Variants in GRK5 observed in about 807,000 individuals in gnomAD.
The protein encoded by GRK5 is g protein-coupled receptor kinase GRK5.
Under a neutral mutation model 78.4 loss-of-function variants are expected in GRK5, and 40 were observed. The ratio of observed to expected loss-of-function variants is 0.51; its 90% CI spans 0.40 to 0.66. The LOEUF (loss-of-function observed/expected upper bound fraction) is 0.66. Ranked by LOEUF, GRK5 falls within the 30% of genes least tolerant of loss-of-function variation. GRK5 has a pLI of 0.00. For synonymous variants in GRK5, 289 were observed against 296.8 expected (o/e 0.97, Z 0.27); for missense variants, 598 against 759.9 (o/e 0.79, Z 2.50).
chr10:119,339,482 A>C (rs1850947149), intron 2 of GRK5, among the ~76,000 whole-genome samples: 1 of 152,170 alleles, frequency 6.6e-6, no homozygotes, highest in South Asian at 2.1e-4. Context: ...TGGGTGTATT[A>C]AACCCCCTTG....
At chr10:119,345,220 G>A (rs1370059470) in intron 2 of GRK5, among the ~76,000 whole-genome samples, 4 of 152,176 alleles carry the variant, frequency 2.6e-5, no homozygotes, top group South Asian at 2.1e-4. Flanking sequence ...CGCCCGCCTC[G>A]GCCTCCCAAA....
At chr10:119,215,475 TAGG>T (rs1198032565) in intron 1 of GRK5, among the ~76,000 whole-genome samples, 21 of 120,422 alleles carry the variant, frequency 1.7e-4, no homozygotes, top group Non-Finnish European at 4.9e-5. Flanking sequence ...GGGAAATGGG[TAGG>T]AGAAGGAGAA....
At chr10:119,364,917 C>T (rs1851421049) in intron 2 of GRK5, among the ~76,000 whole-genome samples, 1 of 152,184 alleles carries the variant, frequency 6.6e-6, no homozygotes, top group African/African-American at 2.4e-5. Flanking sequence ...AAGGGTTTCA[C>T]CACAATCATA....
In GRK5 at chr10:119,238,791, C is replaced by T. The variant is rs1278882939; in HGVS notation, c.52+30822C>T. Among the ~76,000 whole-genome samples, 1 of 152,008 alleles carries T rather than the reference C, an allele frequency of 6.6e-6. No homozygotes were observed. Among genetic ancestry groups the T allele is most frequent in the African/African-American group, 2.4e-5 (1 of 41,390 alleles). ...GGGCTCTGATGAGAAATGATGACCC[C>T]GGAGAAGGGTGGTCATATGGCCAGT... On this transcript the variant is annotated intron_variant, in intron 1 of 15. Coordinates refer to ENST00000392870, the MANE Select transcript of GRK5 (RefSeq NM_005308.3). The surrounding 1 kb of genome is among the most constrained non-coding windows in gnomAD (Gnocchi z 4.7).
At chr10:119,316,577 C>T (rs1394404910) in intron 1 of GRK5, among the ~76,000 whole-genome samples, 4 of 152,298 alleles carry the variant, frequency 2.6e-5, no homozygotes, top group South Asian at 2.1e-4. Context: ...TTGGATAATT[C>T]GCTAGACTCC....
At chr10:119,286,897 A>G (rs1302929089) in intron 1 of GRK5, among the ~76,000 whole-genome samples, 1 of 152,202 alleles carries the variant, frequency 6.6e-6, no homozygotes, top group Non-Finnish European at 1.5e-5. Context: ...TGTCCGTAAG[A>G]TGGCATTGGT....
chr10:119,452,511 C>G lies in GRK5; in HGVS notation c.1405-160C>G. The G allele has an allele frequency of 2.6e-6, 2 of 777,314 alleles. No individual in the cohort carries two copies. Among genetic ancestry groups the G allele is most frequent in the Non-Finnish European group, 4.0e-6 (2 of 496,916 alleles). The allele number at this position is 777,314 out of a possible 1,614,324, so 48.2% of individuals were successfully genotyped here. On this transcript the variant is annotated intron_variant, in intron 13 of 15. Transcript: ENST00000392870. This position sits in a 1 kb window ranked among gnomAD's most constrained non-coding sequence, Gnocchi z 4.4. The stretch of plus-strand genomic sequence containing the variant: ...GGGGCCGACCCCTCCCCTGGACTCA[C>G]CTGCATCTGAGCCACACACCCTCCA...
chr10:119,430,235 T>C lies in GRK5; in HGVS notation c.534-140T>C. On this transcript the variant is annotated intron_variant, in intron 6 of 15. Transcript: ENST00000392870. This position sits in a 1 kb window ranked among gnomAD's most constrained non-coding sequence, Gnocchi z 4.5. ...TCCTCGAAGGTCCAGTCTCCAGCGA[T>C]GATTCCTGGGGGGTCCCTGGGGCTG... 1 of 734,274 alleles carries C rather than the reference T, an allele frequency of 1.4e-6. No homozygotes were observed. Among genetic ancestry groups the C allele is most frequent in the Non-Finnish European group, 2.4e-6 (1 of 418,444 alleles). The allele number at this position is 734,274 out of a possible 1,614,324, so 45.5% of individuals were successfully genotyped here. A position where few individuals can be genotyped will look rare whatever the true frequency, so the allele number is the denominator to read the frequency against.
chr10:119,438,147 A>G (rs1490703725), intron 9 of GRK5, among the ~76,000 whole-genome samples: 2 of 151,828 alleles, frequency 1.3e-5, no homozygotes, highest in Non-Finnish European at 2.9e-5. Flanking sequence ...AGTAGATCTC[A>G]TTTCTAATCA....
At chr10:119,209,096 T>G (rs1848438363) in intron 1 of GRK5, among the ~76,000 whole-genome samples, 1 of 152,184 alleles carries the variant, frequency 6.6e-6, no homozygotes, top group African/African-American at 2.4e-5. Flanking sequence ...TGCTTAATAT[T>G]TTCATTCACC....
chr10:119,287,324 G>GGGAAGGAAGGAAGGGAAGAAGGAAGGGAA (rs1564877386), intron 1 of GRK5, among the ~76,000 whole-genome samples: 10 of 9,394 alleles, frequency 1.1e-3, no homozygotes, highest in Non-Finnish European at 1.7e-3. Flanking sequence ...GAGAGAGGGA[G>GGGAAGGAAGGAAGGGAAGAAGGAAGGGAA]GGAGGAAGGG....
intron 3 of GRK5, among the ~76,000 whole-genome samples, chr10:119,384,501 G>A (rs905928681): frequency 6.6e-6 from 1 of 152,204 alleles, no homozygotes; most frequent in Non-Finnish European, 1.5e-5. Context: ...TCTGATGATG[G>A]GCGAGGTGTT....
chr10:119,292,911 G>A (rs1030527857), intron 1 of GRK5, among the ~76,000 whole-genome samples: 7 of 151,566 alleles, frequency 4.6e-5, no homozygotes, highest in East Asian at 1.9e-4. Flanking sequence ...TGCAGAGCCC[G>A]TGGATATGGG....
At chr10:119,392,137 C>T (rs12263664) in intron 3 of GRK5, among the ~76,000 whole-genome samples, 1,636 of 152,244 alleles carry the variant, frequency 0.011, 20 homozygotes, top group African/African-American at 0.038. Flanking sequence ...GCAATTAGGG[C>T]AGGCCAAGAG....
At chr10:119,230,459 G>A (rs117117763) in intron 1 of GRK5, among the ~76,000 whole-genome samples, 3,121 of 152,174 alleles carry the variant, frequency 0.021, 76 homozygotes, top group South Asian at 0.062. Flanking sequence ...GCAAAGTCAC[G>A]CCTTAGGATG....
intron 4 of GRK5, among the ~76,000 whole-genome samples, chr10:119,397,082 C>T (rs1852067828): frequency 6.6e-6 from 1 of 152,186 alleles, no homozygotes; most frequent in Non-Finnish European, 1.5e-5. Context: ...CAGATGGAGG[C>T]CTGGCCAAGT....
chr10:119,421,947 C>G (rs1852578393), intron 4 of GRK5, among the ~76,000 whole-genome samples: 1 of 152,228 alleles, frequency 6.6e-6, no homozygotes, highest in South Asian at 2.1e-4. Context: ...CCCCTCCACC[C>G]CCAGGGATTG....
At chr10:119,429,294 A>G (rs1852769283) in intron 6 of GRK5, among the ~76,000 whole-genome samples, 2 of 152,048 alleles carry the variant, frequency 1.3e-5, no homozygotes, top group African/African-American at 2.4e-5. Flanking sequence ...GGGAAGACTC[A>G]TTCGTTCAAG....
chr10:119,280,675 G>A (rs576504949), intron 1 of GRK5, among the ~76,000 whole-genome samples: 4 of 152,190 alleles, frequency 2.6e-5, no homozygotes, highest in East Asian at 1.9e-4. Flanking sequence ...TGGTAATTCC[G>A]TGTTTAATTT....
Sources: allele counts gnomAD v4.1 joint callset (sites outside exome capture counted in the v4.1 genomes callset), GRCh38; gene constraint gnomAD v4.1.1; non-coding constraint Gnocchi (gnomAD v3.1); transcripts MANE v1.5; gene names NCBI Gene and HGNC (gene_info 2026-07-23, HGNC 2026-07-21).